WNT7B: variants seen among roughly 807,000 people sequenced by gnomAD.
The protein encoded by WNT7B is protein Wnt-7b.
A neutral mutation model predicts 38.2 loss-of-function variants in WNT7B; 19 were observed. The observed-to-expected ratio is 0.50, with a 90% CI of 0.35 to 0.73. The LOEUF (loss-of-function observed/expected upper bound fraction) is 0.73. WNT7B is among the 30% of genes least tolerant of loss of function. The pLI is 0.01. For synonymous variants in WNT7B, 243 were observed against 209.3 expected (o/e 1.16, Z -1.39); for missense variants, 423 against 507.9 (o/e 0.83, Z 1.61).
In WNT7B at chr22:45,976,582, G is replaced by C; in HGVS notation, c.71+102C>G. 3 of 1,286,794 alleles carry C rather than the reference G, an allele frequency of 2.3e-6. No individual in the cohort carries two copies. The highest frequency in any genetic ancestry group is 3.3e-6 in the Non-Finnish European group (3 of 914,902). 79.7% of individuals were successfully genotyped at this position (1,286,794 alleles called of 1,614,324 possible). A position where few individuals can be genotyped will look rare whatever the true frequency, so the allele number is the denominator to read the frequency against. The stretch of plus-strand genomic sequence containing the variant: ...CAGCCCCGGAGCCCAGAGAGCTGCA[G>C]TGGCCCCCTCCAGTCCCCACGTCCC... On this transcript the variant is annotated intron_variant, in intron 1 of 3. Transcript: ENST00000339464. This position sits in a 1 kb window ranked among gnomAD's most constrained non-coding sequence, Gnocchi z 8.5.
intron 1 of WNT7B, among the ~76,000 whole-genome samples, chr22:45,959,198 G>C (rs555128029): frequency 6.6e-6 from 1 of 152,324 alleles, no homozygotes; most frequent in Admixed American, 6.5e-5. Context: ...GCAGGATGGG[G>C]CATCTGGGAC....
chr22:45,961,081 C>A (rs533039980), intron 1 of WNT7B, among the ~76,000 whole-genome samples: 1 of 152,358 alleles, frequency 6.6e-6, no homozygotes, highest in South Asian at 2.1e-4. Flanking sequence ...TAATGCCTGA[C>A]CCCCACAGCA....
At chr22:45,926,041 C>T (rs940339901) in intron 3 of WNT7B, 1 of 985,466 alleles carries the variant, frequency 1.0e-6, no homozygotes, top group Non-Finnish European at 1.2e-6. Flanking sequence ...CTACTGCCCG[C>T]CTGGGGATAA....
At chr22:45,953,620 C>G (rs983804084) in intron 1 of WNT7B, among the ~76,000 whole-genome samples, 1 of 151,756 alleles carries the variant, frequency 6.6e-6, no homozygotes, top group African/African-American at 2.4e-5. Flanking sequence ...TACGCACCGC[C>G]AACAAGCTCT....
At chr22:45,971,270 G>A (rs1227996839) in intron 1 of WNT7B, among the ~76,000 whole-genome samples, 6 of 152,104 alleles carry the variant, frequency 3.9e-5, no homozygotes. Flanking sequence ...AGAAGGGGAG[G>A]GAGAGCAGGC....
At chr22:45,941,024 T>C (rs1049576354) in intron 2 of WNT7B, among the ~76,000 whole-genome samples, 22 of 152,172 alleles carry the variant, frequency 1.4e-4, no homozygotes, top group Non-Finnish European at 3.1e-4. Flanking sequence ...TGGAAGCCCC[T>C]GGAAGGTGTC....
chr22:45,936,168 G>A, intron 2 of WNT7B: 1 of 985,450 alleles, frequency 1.0e-6, no homozygotes, highest in Non-Finnish European at 1.2e-6. Context: ...ACTGTTTCCA[G>A]TGCAGGCTAT....
chr22:45,972,073 C>A (rs1932455483), intron 1 of WNT7B: 1 of 527,452 alleles, frequency 1.9e-6, no homozygotes, highest in East Asian at 3.6e-5. Flanking sequence ...CTCGCTGCCG[C>A]GTTCCCTGCC....
chr22:45,923,370 G>A (rs372422824), intron 3 of WNT7B, 35 bp from the exon 4 acceptor site: 250 of 1,564,040 alleles, frequency 1.6e-4, no homozygotes, highest in Non-Finnish European at 2.1e-4. Flanking sequence ...GGCACGGCAT[G>A]GCCCAAGCTG....
At chr22:45,964,481 G>C (rs1001567540) in intron 1 of WNT7B, among the ~76,000 whole-genome samples, 1 of 152,184 alleles carries the variant, frequency 6.6e-6, no homozygotes, top group Non-Finnish European at 1.5e-5. Context: ...AATGGAGATG[G>C]CGGAGTGATG....
Position 45,923,173 on chromosome 22 carries a change from G to A in WNT7B, c.733C>T (p.Arg245Cys). 1.2e-6 allele frequency: 2 copies of A among 1,613,130 alleles called. No individual in the cohort carries two copies. The highest frequency in any genetic ancestry group is 8.5e-7 in the Non-Finnish European group (1 of 1,179,968). ...AVQVEVVRASRLRQPTFLRIK... is the reference protein window; with the variant it reads ...AVQVEVVRASCLRQPTFLRIK... ...CGCAGGAAGGTGGGCTGCCGCAGAC[G>A]GCTGGCCCGCACCACCTCCACCTGC... Residue 245 changes from arginine to cysteine, a missense_variant, in exon 4 of 4, where the codon CGT (arginine) becomes TGT (cysteine). By Grantham distance (180) the Arg-to-Cys change is radical. Around this residue, in one of 3 missense-constraint regions of WNT7B, gnomAD observed 158 missense variants for 214.7 expected, o/e 0.74. Coordinates refer to ENST00000339464, the MANE Select transcript of WNT7B (RefSeq NM_058238.3).
chr22:45,962,140 C>T (rs1215428090), intron 1 of WNT7B, among the ~76,000 whole-genome samples: 2 of 151,310 alleles, frequency 1.3e-5, no homozygotes, highest in African/African-American at 4.8e-5. Flanking sequence ...AGAACCAGAC[C>T]GCCTGGGAAA....
intron 3 of WNT7B, chr22:45,926,984 C>G: frequency 2.0e-6 from 2 of 985,452 alleles, no homozygotes; most frequent in African/African-American, 3.5e-5. Context: ...GGTTCCCACC[C>G]CCTGGCTCCA....
intron 1 of WNT7B, among the ~76,000 whole-genome samples, chr22:45,955,816 C>T (rs929537592): frequency 6.6e-6 from 1 of 152,182 alleles, no homozygotes; most frequent in East Asian, 1.9e-4. Flanking sequence ...AAGCCTCCTC[C>T]TCATTCCCCA....
At chr22:45,925,455 CG>C in intron 3 of WNT7B, 1 of 985,274 alleles carries the variant, frequency 1.0e-6, no homozygotes, top group Non-Finnish European at 1.2e-6. Context: ...GAGAAGAGGG[CG>C]GGGCAGCTTT....
Position 45,949,480 on chromosome 22 carries a change from C to G in WNT7B, c.298+440G>C, listed in dbSNP as rs767693378. Among the ~76,000 whole-genome samples, 11 of 152,326 alleles carry G rather than the reference C, an allele frequency of 7.2e-5. No individual in the cohort carries two copies. The East Asian group carries it at 7.7e-4, about 11-fold the overall frequency. On this transcript the variant is annotated intron_variant, in intron 2 of 3. Coordinates refer to ENST00000339464, the MANE Select transcript of WNT7B (RefSeq NM_058238.3). ...AGCACTTCCTGTGCCCCAACTACCC[C>G]CTGCAGTAAGTGTTACTATTCCCTG...
chr22:45,964,923 C>T (rs1049448020), intron 1 of WNT7B, among the ~76,000 whole-genome samples: 5 of 152,202 alleles, frequency 3.3e-5, no homozygotes, highest in African/African-American at 1.2e-4. Flanking sequence ...GTGTCCCGGG[C>T]CCTGCATCTG....
In WNT7B at chr22:45,930,413, T is replaced by G. The variant is rs942648185; in HGVS notation, c.570+685A>C. 2.0e-5 allele frequency among the ~76,000 whole-genome samples: 3 copies of G among 152,178 alleles called. No individual in the cohort carries two copies. In the East Asian group the frequency reaches 5.8e-4, roughly 29 times the overall value. On this transcript the variant is annotated intron_variant, in intron 3 of 3. Transcript: ENST00000339464. ...CCTCGGAGCCGGAGCCGGCTGGGCG[T>G]TCCACTTGGCTGGCCACCCTATCTC...
At chr22:45,972,116 G>GGGCCCCCCCCCCCCCCCCCCCCCCCCC in intron 1 of WNT7B, 2 of 530,738 alleles carry the variant, frequency 3.8e-6, no homozygotes, top group Non-Finnish European at 6.6e-6. Context: ...CCCGGGGGGA[G>GGGCCCCCCCCCCCCCCCCCCCCCCCCC]CCCACCCGCC....
Sources: gnomAD v4.1 joint callset for allele counts (sites outside exome capture counted in the v4.1 genomes callset) on GRCh38, gnomAD v4.1.1 for gene constraint, gnomAD v4.1.1 regional missense constraint, Gnocchi (gnomAD v3.1) non-coding constraint, MANE v1.5 for transcripts, NCBI Gene and HGNC (gene_info 2026-07-23, HGNC 2026-07-21) for gene names.